Variants in KPNA7 observed in about 807,000 individuals in gnomAD.
The protein encoded by KPNA7 is karyopherin subunit alpha 7.
Under a neutral mutation model 53.7 loss-of-function variants are expected in KPNA7, and 54 were observed. The observed-to-expected ratio is 1.01, with a 90% CI of 0.81 to 1.26. The LOEUF (loss-of-function observed/expected upper bound fraction) is 1.26, where lower values mean the gene tolerates loss of function less well. Among genes scored for constraint, KPNA7 ranks in the 50% most tolerant of loss-of-function variants. The pLI is 0.00. For synonymous variants in KPNA7, 276 were observed against 259.3 expected, an observed-to-expected ratio of 1.06 and a Z score of -0.62; for missense variants, 640 against 644.5, an observed-to-expected ratio of 0.99 and a Z score of 0.07.
intron 6 of KPNA7, among the ~76,000 whole-genome samples, chr7:99,191,898 C>T (rs1234574496): frequency 6.6e-6 from 1 of 152,208 alleles, no homozygotes; most frequent in East Asian, 1.9e-4. Context: ...GATCCACCCG[C>T]CTCAGCTTCC....
In KPNA7 at chr7:99,188,547, T is replaced by C; in HGVS notation, c.653A>G (p.Asn218Ser). ...CAGATTCGACAAGGTCCACGTGATG[T>C]TCCGCAGAAATGTGATCTGTAACAA... ...SPTLPITFLR[N>S]ITWTLSNLCR... The change falls in exon 7 of 11, where the codon AAC becomes AGC. Residue 218 changes from asparagine (N) to serine (S), a missense_variant. Coordinates refer to ENST00000327442, the MANE Select transcript of KPNA7 (RefSeq NM_001145715.3). 6.4e-7 allele frequency: 1 copy of C among 1,551,468 alleles called. No homozygotes were observed. The highest frequency in any genetic ancestry group is 1.2e-5 in the South Asian group (1 of 84,056).
chr7:99,193,273 G>C (rs1280432281), intron 5 of KPNA7, among the ~76,000 whole-genome samples, 172 bp from the exon 6 acceptor site: 1 of 152,230 alleles, frequency 6.6e-6, no homozygotes, highest in Non-Finnish European at 1.5e-5. Context: ...TGGCTGGTGG[G>C]TGGACAGTCC....
At position 99,213,430 on chromosome 7, in the gene KPNA7, T is replaced by TAAAA. The variant is rs61231738; in HGVS notation, c.-23-5945_-23-5942dup. On this transcript the variant is annotated intron_variant, in intron 1 of 10. Transcript: ENST00000681060. Reference sequence around the variant, plus strand: ...GTGTGAGCCACTGCACCTGGCCTTTTAAAAAAAAAAAAAAAAAAAAAAAAA... The same window carrying TAAAA: ...GTGTGAGCCACTGCACCTGGCCTTTTAAAAAAAAAAAAAAAAAAAAAAAAAAAAA... Among the ~76,000 whole-genome samples the TAAAA allele has an allele frequency of 1.7e-3, 122 of 72,906 alleles. 1 individual carries two copies. In the East Asian group the frequency reaches 0.022, roughly 13 times the overall value. 47.8% of individuals were successfully genotyped at this position (72,906 alleles called of 152,430 possible).
the KPNA7 span, among the ~76,000 whole-genome samples, chr7:99,162,356 C>A: frequency 6.6e-6 from 1 of 152,098 alleles, no homozygotes; most frequent in Non-Finnish European, 1.5e-5. Flanking sequence ...GAATTGCATT[C>A]TTTGAGGTAC....
Position 99,181,061 on chromosome 7 carries a change from GTC to G in KPNA7, c.1317+820_1317+821del, listed in dbSNP as rs71537228. Reference sequence around the variant, plus strand: ...TGTCTCTCTCTCTCTCTCCGTCTGTGTCTCTCTCTCCATCTGTGTCTCTCTCT... The same window carrying G: ...TGTCTCTCTCTCTCTCTCCGTCTGTGTCTCTCTCCATCTGTGTCTCTCTCT... On this transcript the variant is annotated intron_variant, in intron 9 of 10. Coordinates refer to ENST00000327442, the MANE Select transcript of KPNA7 (RefSeq NM_001145715.3). Among the ~76,000 whole-genome samples the G allele has an allele frequency of 4.6e-4, 2 of 4,322 alleles. 1 individual carries two copies. The allele number at this position is 4,322 out of a possible 152,430, so 2.8% of individuals were successfully genotyped here.
intron 7 of KPNA7, among the ~76,000 whole-genome samples, chr7:99,186,725 AG>A (rs1314739088): frequency 6.6e-6 from 1 of 152,104 alleles, no homozygotes; most frequent in Non-Finnish European, 1.5e-5. Flanking sequence ...CCTTGGCAAC[AG>A]AGTGAGACTT....
intron 10 of KPNA7, among the ~76,000 whole-genome samples, chr7:99,174,816 A>AT (rs796969006): frequency 0.048 from 7,083 of 149,032 alleles, 499 homozygotes; most frequent in African/African-American, 0.16. Flanking sequence ...CTTATTTATT[A>AT]TTTTTTTTTT....
intron 2 of KPNA7, among the ~76,000 whole-genome samples, chr7:99,204,743 C>T (rs1446635977): frequency 6.6e-6 from 1 of 151,788 alleles, no homozygotes; most frequent in Non-Finnish European, 1.5e-5. Flanking sequence ...AGGCATGGTG[C>T]TACTTGGGAG....
chr7:99,181,737 G>T, intron 9 of KPNA7, 146 bp downstream of exon 9: 1 of 636,974 alleles, frequency 1.6e-6, no homozygotes, highest in Non-Finnish European at 2.6e-6. Flanking sequence ...TCACTATGTT[G>T]GCCAGGCTGG....
chr7:99,175,530 T>C (rs1798870653), intron 10 of KPNA7, among the ~76,000 whole-genome samples: 1 of 151,320 alleles, frequency 6.6e-6, no homozygotes, highest in Non-Finnish European at 1.5e-5. Flanking sequence ...TATTATTTAT[T>C]TTGGAGATGG....
chr7:99,149,868 AC>A, the KPNA7 span, among the ~76,000 whole-genome samples: 1 of 151,922 alleles, frequency 6.6e-6, no homozygotes, highest in Non-Finnish European at 1.5e-5. Context: ...CTCACGTGCA[AC>A]CTGCAACCTC....
intron 6 of KPNA7, among the ~76,000 whole-genome samples, chr7:99,191,949 T>G (rs1171836640): frequency 1.3e-5 from 2 of 152,174 alleles, no homozygotes; most frequent in Non-Finnish European, 2.9e-5. Flanking sequence ...GGTTCCCAGA[T>G]GAAGGTTTTG....
chr7:99,177,317 C>T (rs1171953918), intron 10 of KPNA7, among the ~76,000 whole-genome samples: 4 of 152,094 alleles, frequency 2.6e-5, no homozygotes, highest in South Asian at 2.1e-4. Flanking sequence ...TGGTGGCTCA[C>T]GCCTGTGATC....
At chr7:99,151,155 C>A in the KPNA7 span, among the ~76,000 whole-genome samples, 1 of 152,136 alleles carries the variant, frequency 6.6e-6, no homozygotes, top group African/African-American at 2.4e-5. Flanking sequence ...GGAGAGAGAT[C>A]TCCAATCCAG....
chr7:99,162,368 T>C, the KPNA7 span, among the ~76,000 whole-genome samples: 1 of 152,156 alleles, frequency 6.6e-6, no homozygotes. Flanking sequence ...TTGAGGTACA[T>C]TACAATTTCT....
chr7:99,213,164 G>C lies in KPNA7; in HGVS notation c.-23-5675C>G, dbSNP rs1791120560. ...TTTTTTTGAGACAGAGTCTCACTCT[G>C]TTGCCAGGCTGGAGTGCAGTGGGTC... is the stretch of plus-strand genomic sequence containing the variant. On this transcript the variant is annotated intron_variant, in intron 1 of 10. Coordinates refer to the KPNA7 transcript ENST00000681060. Among the ~76,000 whole-genome samples the C allele has an allele frequency of 2.7e-5, 4 of 147,484 alleles. No individual in the cohort carries two copies. In the Admixed American group the frequency reaches 2.8e-4, roughly 10 times the overall value.
chr7:99,201,065 G>T (rs561267419), intron 3 of KPNA7, among the ~76,000 whole-genome samples: 7 of 152,304 alleles, frequency 4.6e-5, no homozygotes, highest in Admixed American at 1.3e-4. Flanking sequence ...CTACAACATG[G>T]ATGAACTTTG....
the KPNA7 span, among the ~76,000 whole-genome samples, chr7:99,147,109 C>T: frequency 6.6e-6 from 1 of 152,154 alleles, no homozygotes; most frequent in African/African-American, 2.4e-5. Flanking sequence ...CAAACATTGG[C>T]CACCTGCTAT....
At chr7:99,193,969 C>T (rs1475954024) in intron 5 of KPNA7, among the ~76,000 whole-genome samples, 8 of 152,274 alleles carry the variant, frequency 5.3e-5, no homozygotes, top group African/African-American at 9.6e-5. Context: ...TGAGTCACTA[C>T]GCCAAGCCTC....
Sources: gnomAD v4.1 joint callset for allele counts (sites outside exome capture counted in the v4.1 genomes callset) on GRCh38, gnomAD v4.1.1 for gene constraint, MANE v1.5 for transcripts, NCBI Gene and HGNC (gene_info 2026-07-23, HGNC 2026-07-21) for gene names.